Variants in ACSS3 observed in about 807,000 individuals in gnomAD.
The protein encoded by ACSS3 is acyl-CoA synthetase short chain family member 3, also known as acyl-CoA synthetase short-chain family member 3, mitochondrial.
In ACSS3, 64 loss-of-function variants were observed where a neutral mutation model predicts 84.2. The ratio of observed to expected loss-of-function variants is 0.76; its 90% CI spans 0.62 to 0.94. The LOEUF (loss-of-function observed/expected upper bound fraction) is 0.94. ACSS3 is among the 40% of genes least tolerant of loss of function. The pLI, the probability that ACSS3 is intolerant of heterozygous loss-of-function variation, is 0.00. For missense variants in ACSS3, 815 were observed against 867.6 expected, an observed-to-expected ratio of 0.94 and a Z score of 0.76; for synonymous variants, 317 against 310.1, an observed-to-expected ratio of 1.02 and a Z score of -0.23.
In ACSS3 at chr12:81,216,926, A is replaced by ATGTGTTG; in HGVS notation, c.1381_1387dup (p.Gly463ValfsTer8). On this transcript the variant is annotated frameshift_variant, in exon 10 of 16. Coordinates refer to ENST00000548058, the MANE Select transcript of ACSS3 (RefSeq NM_024560.4). LOFTEE classifies it high-confidence loss of function. ...AGACTGGATCTCCAATTACTGCGTC[A>ATGTGTTG]TGTGTTGGATTAGGCAATTCTAAAA... The ATGTGTTG allele has an allele frequency of 1.2e-6, 2 of 1,611,094 alleles. No homozygotes were observed. Among genetic ancestry groups the ATGTGTTG allele is most frequent in the Non-Finnish European group, 1.7e-6 (2 of 1,177,764 alleles).
intron 13 of ACSS3, among the ~76,000 whole-genome samples, chr12:81,243,115 G>A (rs1374343380): frequency 1.3e-5 from 2 of 152,080 alleles, no homozygotes; most frequent in East Asian, 1.9e-4. Flanking sequence ...AAACCCCATT[G>A]TCTCAGGCCA....
chr12:81,201,120 G>A (rs981823477), intron 9 of ACSS3, among the ~76,000 whole-genome samples: 3 of 152,110 alleles, frequency 2.0e-5, no homozygotes, highest in African/African-American at 7.2e-5. Flanking sequence ...GGAATTTTGA[G>A]AACAATCAAT....
intron 1 of ACSS3, among the ~76,000 whole-genome samples, chr12:81,091,968 G>C (rs1479689899): frequency 6.6e-6 from 1 of 152,016 alleles, no homozygotes; most frequent in African/African-American, 2.4e-5. Context: ...TGAAAAAACA[G>C]ACTTACTATG....
chr12:81,170,647 T>C (rs536859833), intron 7 of ACSS3, among the ~76,000 whole-genome samples: 1 of 152,252 alleles, frequency 6.6e-6, no homozygotes, highest in African/African-American at 2.4e-5. Context: ...GGCTGCATTA[T>C]TGCTTTTGGT....
chr12:81,187,200 CA>C (rs1318532394), intron 8 of ACSS3, among the ~76,000 whole-genome samples: 1 of 151,208 alleles, frequency 6.6e-6, no homozygotes, highest in Admixed American at 6.6e-5. Context: ...CCATGGTTAC[CA>C]GGATTGGAAG....
At chr12:81,243,624 A>G (rs1331147575) in intron 13 of ACSS3, among the ~76,000 whole-genome samples, 1 of 152,242 alleles carries the variant, frequency 6.6e-6, no homozygotes. Flanking sequence ...ACAAGGCTAC[A>G]GTAACCAAAA....
chr12:81,083,887 T>G (rs534553013), intron 1 of ACSS3, among the ~76,000 whole-genome samples: 1 of 152,154 alleles, frequency 6.6e-6, no homozygotes, highest in East Asian at 2.0e-4. Context: ...GGAGAATCGC[T>G]TGATCTAGGG....
chr12:81,126,564 A>C (rs534558332), intron 2 of ACSS3, among the ~76,000 whole-genome samples: 60 of 145,136 alleles, frequency 4.1e-4, no homozygotes, highest in African/African-American at 1.4e-3. Context: ...TTTCTTGTAA[A>C]TTTTAACATA....
At chr12:81,131,909 G>C (rs1158009032) in intron 2 of ACSS3, among the ~76,000 whole-genome samples, 3 of 152,126 alleles carry the variant, frequency 2.0e-5, no homozygotes, top group Non-Finnish European at 4.4e-5. Context: ...CTTTGGTTCT[G>C]TTTATGTGAT....
At chr12:81,220,153 A>G (rs1292765168) in intron 11 of ACSS3, 77 bp downstream of exon 11, 2 of 784,386 alleles carry the variant, frequency 2.5e-6, no homozygotes, top group Admixed American at 2.9e-5. Context: ...GGGTCATTGC[A>G]GTGTTACTGC....
intron 9 of ACSS3, among the ~76,000 whole-genome samples, chr12:81,209,580 G>C (rs10862263): frequency 0.67 from 101,636 of 151,594 alleles, 34,429 homozygotes; most frequent in Non-Finnish European, 0.73. Flanking sequence ...GATCCAGACC[G>C]CAAGAAGGGG....
At chr12:81,174,070 T>C (rs1445810300) in intron 7 of ACSS3, among the ~76,000 whole-genome samples, 2 of 152,184 alleles carry the variant, frequency 1.3e-5, no homozygotes, top group Non-Finnish European at 2.9e-5. Flanking sequence ...AGATAGGTTT[T>C]ATGGGTTAGT....
At chr12:81,147,487 A>C (rs143367787) in intron 5 of ACSS3, among the ~76,000 whole-genome samples, 1 of 152,190 alleles carries the variant, frequency 6.6e-6, no homozygotes, top group Non-Finnish European at 1.5e-5. Context: ...CTAGGTGGGG[A>C]TATCAGTCCT....
At chr12:81,212,769 A>G (rs2032644505) in intron 9 of ACSS3, among the ~76,000 whole-genome samples, 1 of 152,208 alleles carries the variant, frequency 6.6e-6, no homozygotes, top group African/African-American at 2.4e-5. Flanking sequence ...CATTTAGGTA[A>G]CAGCTTATTA....
At chr12:81,175,363 A>C (rs2030396438) in intron 8 of ACSS3, among the ~76,000 whole-genome samples, 1 of 152,208 alleles carries the variant, frequency 6.6e-6, no homozygotes. Context: ...AGTCCAAATT[A>C]AATATATTAA....
chr12:81,244,188 T>C (rs2033907141), intron 13 of ACSS3, among the ~76,000 whole-genome samples: 1 of 152,166 alleles, frequency 6.6e-6, no homozygotes, highest in African/African-American at 2.4e-5. Context: ...TCCACTCTCT[T>C]CTTGTTTACA....
At chr12:81,155,681 A>T (rs1203188127) in intron 7 of ACSS3, among the ~76,000 whole-genome samples, 1 of 152,110 alleles carries the variant, frequency 6.6e-6, no homozygotes. Flanking sequence ...TCTTTTTTCC[A>T]TGCCTCTTGA....
intron 1 of ACSS3, among the ~76,000 whole-genome samples, chr12:81,101,892 C>T (rs1328171762): frequency 1.3e-5 from 2 of 151,856 alleles, no homozygotes; most frequent in African/African-American, 4.8e-5. Flanking sequence ...GGATATCATG[C>T]TGAAATTGTT....
At chr12:81,129,839 T>C (rs1399893670) in intron 2 of ACSS3, among the ~76,000 whole-genome samples, 1 of 136,922 alleles carries the variant, frequency 7.3e-6, no homozygotes, top group Non-Finnish European at 1.5e-5. Context: ...AGTGTTCTCA[T>C]TGTTCAATTC....
Sources: gnomAD v4.1 joint callset for allele counts (sites outside exome capture counted in the v4.1 genomes callset) on GRCh38, gnomAD v4.1.1 for gene constraint, MANE v1.5 for transcripts, NCBI Gene and HGNC (gene_info 2026-07-23, HGNC 2026-07-21) for gene names.